HCN1: variants seen among roughly 807,000 people sequenced by gnomAD.
HCN1 encodes the protein hyperpolarization activated cyclic nucleotide gated potassium channel 1.
HCN1 carries 13 observed loss-of-function variants against 78.9 expected under a neutral mutation model. That is an observed-to-expected ratio of 0.16 (90% confidence interval 0.11 to 0.26). HCN1 has a LOEUF of 0.26. Ranked by LOEUF, HCN1 falls within the 10% of genes least tolerant of loss-of-function variation. HCN1 has a pLI of 1.00. For missense variants in HCN1, 810 were observed against 1,154.3 expected, an observed-to-expected ratio of 0.70 and a Z score of 4.32; for synonymous variants, 552 against 455.5, an observed-to-expected ratio of 1.21 and a Z score of -2.70.
rs545018769 is a variant in HCN1, at chr5:45,535,771, C to T, written c.850-73764G>A. Among the ~76,000 whole-genome samples, 14 of 152,228 alleles carry T rather than the reference C, an allele frequency of 9.2e-5. No individual in the cohort carries two copies. In the South Asian group the frequency reaches 1.9e-3, roughly 20 times the overall value. On this transcript the variant is annotated intron_variant, in intron 2 of 7. Transcript: ENST00000303230. Reference sequence around the variant, plus strand: ...CAGTGATAAAGTTAAACAATATAGTCTGCAATATGAAAATATACATACAGA... The same window carrying T: ...CAGTGATAAAGTTAAACAATATAGTTTGCAATATGAAAATATACATACAGA...
At chr5:45,464,298 A>G (rs1256150697) in intron 2 of HCN1, among the ~76,000 whole-genome samples, 1 of 152,070 alleles carries the variant, frequency 6.6e-6, no homozygotes, top group Non-Finnish European at 1.5e-5. Flanking sequence ...TTGTTTTGCT[A>G]CTATGCATTT....
chr5:45,635,301 T>C (rs186350283), intron 2 of HCN1, among the ~76,000 whole-genome samples: 2 of 152,176 alleles, frequency 1.3e-5, no homozygotes, highest in East Asian at 3.9e-4. Context: ...CTGATTCTCA[T>C]TTCAGAATTC....
At chr5:45,589,346 G>A (rs1176801842) in intron 2 of HCN1, among the ~76,000 whole-genome samples, 1 of 152,162 alleles carries the variant, frequency 6.6e-6, no homozygotes, top group Non-Finnish European at 1.5e-5. Context: ...GTAAAAGGAG[G>A]ATTCCAGGTT....
At chr5:45,339,376 G>A (rs184164113) in intron 5 of HCN1, among the ~76,000 whole-genome samples, 1 of 152,290 alleles carries the variant, frequency 6.6e-6, no homozygotes, top group East Asian at 1.9e-4. Flanking sequence ...AAAGTAGAAG[G>A]TAAGCTGAGT....
At chr5:45,301,736 A>AG (rs1561095361) in intron 6 of HCN1, among the ~76,000 whole-genome samples, 2 of 151,352 alleles carry the variant, frequency 1.3e-5, no homozygotes, top group Non-Finnish European at 2.9e-5. Flanking sequence ...AAAAAAAAAA[A>AG]AAAAGAAAGA....
intron 6 of HCN1, among the ~76,000 whole-genome samples, chr5:45,285,908 C>T (rs1221276595): frequency 6.6e-6 from 1 of 151,900 alleles, no homozygotes; most frequent in Non-Finnish European, 1.5e-5. Context: ...ATAAACAAAT[C>T]ATCAGATGTT....
intron 5 of HCN1, among the ~76,000 whole-genome samples, chr5:45,352,472 T>TA (rs1746928292): frequency 6.6e-6 from 1 of 152,010 alleles, no homozygotes. Context: ...CATGTATACA[T>TA]ATGTAAGTAA....
chr5:45,472,550 T>G (rs1207516686), intron 2 of HCN1, among the ~76,000 whole-genome samples: 737 of 70,914 alleles, frequency 0.01, no homozygotes, highest in Middle Eastern at 0.02. Flanking sequence ...GAGGGAGGGA[T>G]GGAGGGAGGG....
At chr5:45,668,749 G>A (rs981204862) in intron 1 of HCN1, among the ~76,000 whole-genome samples, 2 of 151,834 alleles carry the variant, frequency 1.3e-5, no homozygotes, top group African/African-American at 4.8e-5. Context: ...ACAAGAACTT[G>A]ACGTAATAAG....
intron 3 of HCN1, among the ~76,000 whole-genome samples, chr5:45,461,508 G>A (rs542094872): frequency 2.0e-5 from 3 of 152,172 alleles, no homozygotes; most frequent in South Asian, 2.1e-4. Context: ...GATGAAATAA[G>A]GCGTTATTCT....
chr5:45,348,274 T>C (rs926689621), intron 5 of HCN1, among the ~76,000 whole-genome samples: 1 of 152,108 alleles, frequency 6.6e-6, no homozygotes, highest in Non-Finnish European at 1.5e-5. Flanking sequence ...CTAAGCTTCA[T>C]AAGTGAAGGA....
intron 3 of HCN1, among the ~76,000 whole-genome samples, chr5:45,403,244 T>C (rs1739859004): frequency 6.6e-6 from 1 of 152,122 alleles, no homozygotes; most frequent in African/African-American, 2.4e-5. Flanking sequence ...AGGCTGGTGT[T>C]GAAAGAATTC....
chr5:45,437,606 G>A (rs1740582464), intron 3 of HCN1, among the ~76,000 whole-genome samples: 1 of 152,142 alleles, frequency 6.6e-6, no homozygotes, highest in African/African-American at 2.4e-5. Context: ...AGACTACTAA[G>A]GTGAATAAAC....
At chr5:45,639,880 G>A (rs932756572) in intron 2 of HCN1, among the ~76,000 whole-genome samples, 1 of 151,968 alleles carries the variant, frequency 6.6e-6, no homozygotes, top group African/African-American at 2.4e-5. Context: ...TGTATCAATG[G>A]CACCTTTTGA....
At chr5:45,322,030 A>C (rs894136232) in intron 5 of HCN1, among the ~76,000 whole-genome samples, 1 of 151,912 alleles carries the variant, frequency 6.6e-6, no homozygotes, top group Non-Finnish European at 1.5e-5. Context: ...TGAGATCTTG[A>C]GGCATAACTA....
intron 2 of HCN1, among the ~76,000 whole-genome samples, chr5:45,539,284 T>C (rs1743039884): frequency 2.0e-5 from 3 of 151,812 alleles, no homozygotes; most frequent in Admixed American, 2.0e-4. Context: ...CTATTGTTAT[T>C]TACAAAACTT....
At chr5:45,294,455 G>T (rs186948622) in intron 6 of HCN1, among the ~76,000 whole-genome samples, 130 of 151,710 alleles carry the variant, frequency 8.6e-4, no homozygotes, top group Non-Finnish European at 1.3e-3. Context: ...TCCATAAAAA[G>T]AACTTATGGG....
intron 3 of HCN1, among the ~76,000 whole-genome samples, chr5:45,423,102 C>T (rs968740340): frequency 1.4e-4 from 22 of 152,016 alleles, no homozygotes; most frequent in African/African-American, 9.7e-5. Flanking sequence ...ATTCCAATTA[C>T]CCTGATATGA....
intron 1 of HCN1, among the ~76,000 whole-genome samples, chr5:45,695,341 G>A (rs974151463): frequency 2.0e-5 from 3 of 152,144 alleles, no homozygotes; most frequent in Non-Finnish European, 2.9e-5. Flanking sequence ...CGTCTCTGAA[G>A]TAAAAGTTTC....
Sources: allele counts gnomAD v4.1 joint callset (sites outside exome capture counted in the v4.1 genomes callset), GRCh38; gene constraint gnomAD v4.1.1; transcripts MANE v1.5; gene names NCBI Gene and HGNC (gene_info 2026-07-23, HGNC 2026-07-21).